FSTL5: variants seen among roughly 807,000 people sequenced by gnomAD.
FSTL5 encodes follistatin-related protein 5.
In FSTL5, 62 loss-of-function variants were observed where a neutral mutation model predicts 89.1. The ratio of observed to expected loss-of-function variants is 0.70; its 90% CI spans 0.57 to 0.86. The LOEUF is 0.86. Ranked by LOEUF, FSTL5 falls within the 40% of genes least tolerant of loss-of-function variation. The pLI, the probability that FSTL5 is intolerant of heterozygous loss-of-function variation, is 0.00. For missense variants in FSTL5, 1,057 were observed against 1,001.6 expected (o/e 1.06, Z -0.75); for synonymous variants, 383 against 346.2 (o/e 1.11, Z -1.18).
intron 4 of FSTL5, among the ~76,000 whole-genome samples, chr4:161,803,234 G>T (rs974528811): frequency 6.6e-6 from 1 of 151,854 alleles, no homozygotes; most frequent in African/African-American, 2.4e-5. Context: ...TTCATGCTAC[G>T]ACTATATCTA....
chr4:162,032,829 T>A (rs1319613398), intron 3 of FSTL5: 2 of 152,112 alleles, frequency 1.3e-5, no homozygotes, highest in African/African-American at 4.8e-5. Flanking sequence ...AGGATATATA[T>A]CTTTCTATTC....
At chr4:161,830,931 G>T (rs544619768) in intron 4 of FSTL5, among the ~76,000 whole-genome samples, 1 of 151,990 alleles carries the variant, frequency 6.6e-6, no homozygotes, top group African/African-American at 2.4e-5. Flanking sequence ...TTTAATAGTG[G>T]TATTAAATGA....
In FSTL5 at chr4:161,542,556, G is replaced by A. The variant is rs1484272484; in HGVS notation, c.1153C>T (p.Leu385Phe). ...CCTTGAAGCGTGAGTTGTTTGGAAA[G>A]CTTTGGTGTAATATCAATTCCATTC... Reference protein sequence around the residue: ...LKNGIDITPKLSKQLTLQANG... With the variant: ...LKNGIDITPKFSKQLTLQANG... Residue 385 changes from leucine to phenylalanine, a missense_variant, in exon 9 of 16, where the codon CTT becomes TTT. Around this residue, in one of 3 missense-constraint regions of FSTL5, gnomAD observed 980 missense variants for 903.2 expected, o/e 1.08. Coordinates refer to ENST00000306100, the MANE Select transcript of FSTL5 (RefSeq NM_020116.5). 2.6e-6 allele frequency: 4 copies of A among 1,536,104 alleles called. No individual in the cohort carries two copies. In the South Asian group the frequency reaches 3.8e-5, roughly 15 times the overall value.
chr4:161,487,354 A>G (rs1729714382), intron 12 of FSTL5, among the ~76,000 whole-genome samples: 1 of 152,166 alleles, frequency 6.6e-6, no homozygotes, highest in African/African-American at 2.4e-5. Context: ...GAGTAGTACT[A>G]ATCAAAATGT....
chr4:161,744,674 T>C (rs1451267838), intron 6 of FSTL5, among the ~76,000 whole-genome samples: 1 of 152,082 alleles, frequency 6.6e-6, no homozygotes, highest in East Asian at 1.9e-4. Flanking sequence ...CATAGATCAG[T>C]TCTCAACACC....
intron 6 of FSTL5, among the ~76,000 whole-genome samples, chr4:161,732,082 C>CT (rs34796402): frequency 0.59 from 89,744 of 151,720 alleles, 29,039 homozygotes; most frequent in Non-Finnish European, 0.72. Context: ...CTATACCGAA[C>CT]TTTGAGAAAC....
chr4:161,615,802 A>G (rs1357367503), intron 7 of FSTL5, among the ~76,000 whole-genome samples: 1 of 152,176 alleles, frequency 6.6e-6, no homozygotes, highest in African/African-American at 2.4e-5. Flanking sequence ...TTCATTATTC[A>G]CAGGGTTGTT....
chr4:161,584,178 T>G (rs1481818437), intron 8 of FSTL5, among the ~76,000 whole-genome samples: 1 of 152,306 alleles, frequency 6.6e-6, no homozygotes, highest in South Asian at 2.1e-4. Context: ...ATTCGACATG[T>G]CTTCCCCTCC....
In FSTL5 at chr4:161,384,555, A is replaced by G. The variant is rs964919993; in HGVS notation, c.*1192T>C. The G allele has an allele frequency of 6.6e-6, 1 of 152,168 alleles. No homozygotes were observed. The highest frequency in any genetic ancestry group is 1.9e-4 in the East Asian group (1 of 5,198). 9.4% of individuals were successfully genotyped at this position (152,168 alleles called of 1,614,324 possible). A position where few individuals can be genotyped will look rare whatever the true frequency, so the allele number is the denominator to read the frequency against. On this transcript the variant is annotated 3_prime_UTR_variant, in exon 16 of 16. Transcript: ENST00000306100. ...AGGTTTCAAACTACAGCACATAGTG[A>G]GAAGATGCTTTTAGGATTACAAGAA...
chr4:161,401,672 C>T (rs994565237), intron 15 of FSTL5, among the ~76,000 whole-genome samples: 8 of 152,220 alleles, frequency 5.3e-5, no homozygotes, highest in East Asian at 1.9e-4. Flanking sequence ...CTACTGGAGA[C>T]TGCCACCATG....
At chr4:161,766,172 A>G (rs1740992129) in intron 5 of FSTL5, among the ~76,000 whole-genome samples, 1 of 152,196 alleles carries the variant, frequency 6.6e-6, no homozygotes, top group Admixed American at 6.5e-5. Context: ...CAATATACTC[A>G]ACGCAGCTGC....
intron 4 of FSTL5, among the ~76,000 whole-genome samples, chr4:161,918,187 T>C (rs1733891374): frequency 6.6e-6 from 1 of 152,160 alleles, no homozygotes; most frequent in Non-Finnish European, 1.5e-5. Context: ...TCTTTTACAA[T>C]CAAAACTTGG....
intron 13 of FSTL5, among the ~76,000 whole-genome samples, chr4:161,473,616 G>C (rs1291108743): frequency 2.0e-5 from 3 of 152,024 alleles, no homozygotes; most frequent in Admixed American, 1.3e-4. Context: ...TGTATATAGA[G>C]AGACACCATC....
At chr4:161,854,372 G>A (rs1472251487) in intron 4 of FSTL5, among the ~76,000 whole-genome samples, 2 of 152,188 alleles carry the variant, frequency 1.3e-5, no homozygotes, top group Non-Finnish European at 2.9e-5. Context: ...ACAGGAAAGA[G>A]TAATATCAGT....
At chr4:161,717,579 T>C (rs1372916976) in intron 6 of FSTL5, among the ~76,000 whole-genome samples, 2 of 152,202 alleles carry the variant, frequency 1.3e-5, no homozygotes, top group Non-Finnish European at 2.9e-5. Context: ...GGGCTGAATC[T>C]TTGGAGTCTT....
At chr4:162,071,359 T>C (rs772624452) in intron 2 of FSTL5, among the ~76,000 whole-genome samples, 2 of 151,462 alleles carry the variant, frequency 1.3e-5, no homozygotes, top group Non-Finnish European at 3.0e-5. Context: ...TCATATCACA[T>C]AAAATAGACT....
rs148851406 is a variant in FSTL5 at position 161,598,460 on chromosome 4, T to C, written c.895-10885A>G. Among the ~76,000 whole-genome samples the C allele has an allele frequency of 5.2e-3, 793 of 152,116 alleles. 7 individuals are homozygous for C. The highest frequency in any genetic ancestry group is 9.3e-3 in the Non-Finnish European group (634 of 67,988). On this transcript the variant is annotated intron_variant, in intron 7 of 15. Transcript: ENST00000306100. ...GATTTAGATTTGTAAGACAGTGTAA[T>C]AGAGCATGAAAAGCCAAGACAATCC...
intron 10 of FSTL5, among the ~76,000 whole-genome samples, chr4:161,530,180 T>C (rs749522217): frequency 7.0e-6 from 1 of 142,788 alleles, no homozygotes; most frequent in Non-Finnish European, 1.5e-5. Context: ...ATTCATACGA[T>C]CTTTATAGGT....
At chr4:161,672,525 T>C (rs1737152321) in intron 6 of FSTL5, among the ~76,000 whole-genome samples, 1 of 152,058 alleles carries the variant, frequency 6.6e-6, no homozygotes, top group African/African-American at 2.4e-5. Context: ...TTCATTTCAT[T>C]CATGCTTAAG....
Sources: allele counts gnomAD v4.1 joint callset (sites outside exome capture counted in the v4.1 genomes callset), GRCh38; gene constraint gnomAD v4.1.1; regional missense constraint gnomAD v4.1.1; transcripts MANE v1.5; gene names NCBI Gene and HGNC (gene_info 2026-07-23, HGNC 2026-07-21).